Variants in PTPRG observed in about 807,000 individuals in gnomAD.
PTPRG encodes protein tyrosine phosphatase receptor type G.
A neutral mutation model predicts 165.3 loss-of-function variants in PTPRG; 102 were observed. The ratio of observed to expected loss-of-function variants is 0.62; its 90% CI spans 0.53 to 0.73. The LOEUF (loss-of-function observed/expected upper bound fraction) is 0.73. Ranked by LOEUF, PTPRG falls within the 30% of genes least tolerant of loss-of-function variation. The pLI is 0.00. For synonymous variants in PTPRG, 675 were observed against 669.5 expected (o/e 1.01, Z -0.13); for missense variants, 1,866 against 1,861.4 (o/e 1.00, Z -0.05).
chr3:62,183,671 A>T (rs560828677), intron 8 of PTPRG, among the ~76,000 whole-genome samples: 2 of 152,144 alleles, frequency 1.3e-5, no homozygotes, highest in South Asian at 2.1e-4. Context: ...TTGAAGGACC[A>T]TGAGCTCCCT....
chr3:61,760,302 C>T (rs1422669894), intron 2 of PTPRG, among the ~76,000 whole-genome samples: 1 of 152,146 alleles, frequency 6.6e-6, no homozygotes, highest in African/African-American at 2.4e-5. Context: ...AAGTGCTGGT[C>T]TGGTATAACC....
rs572764687 is a variant in PTPRG, at chr3:61,568,790, C to T, written c.85+6418C>T. Among the ~76,000 whole-genome samples the T allele has an allele frequency of 5.9e-5, 9 of 152,100 alleles. No homozygotes were observed. The South Asian group carries it at 1.9e-3, about 32-fold the overall frequency. ...GGGCATGGTGGTGCACACCTGTAGTCCCAGCTACTCGGGAGGCTGAGGCGG... is the reference window on the plus strand; with the variant it reads ...GGGCATGGTGGTGCACACCTGTAGTTCCAGCTACTCGGGAGGCTGAGGCGG... On this transcript the variant is annotated intron_variant, in intron 1 of 29. Coordinates refer to ENST00000474889, the MANE Select transcript of PTPRG (RefSeq NM_002841.4).
At chr3:62,152,694 T>C (rs921285671) in intron 6 of PTPRG, among the ~76,000 whole-genome samples, 2 of 152,212 alleles carry the variant, frequency 1.3e-5, no homozygotes, top group Admixed American at 6.5e-5. Context: ...CGAGAGTTAA[T>C]TCTGTAATGT....
At chr3:62,144,296 C>G (rs144395005) in intron 6 of PTPRG, among the ~76,000 whole-genome samples, 31 of 152,272 alleles carry the variant, frequency 2.0e-4, no homozygotes, top group Non-Finnish European at 1.3e-4. Context: ...AATGTAAATA[C>G]TCACTCAGGT....
At chr3:61,695,645 G>A (rs2030531688) in intron 1 of PTPRG, among the ~76,000 whole-genome samples, 1 of 152,056 alleles carries the variant, frequency 6.6e-6, no homozygotes, top group African/African-American at 2.4e-5. Flanking sequence ...TTTGTTTTTT[G>A]ATTTTTGACT....
rs944900322 is a variant in PTPRG, at chr3:61,923,357, C to T, written c.191-66268C>T. Among the ~76,000 whole-genome samples, 21 of 152,206 alleles carry T rather than the reference C, an allele frequency of 1.4e-4. No homozygotes were observed. The East Asian group carries it at 1.7e-3, about 13-fold the overall frequency. On this transcript the variant is annotated intron_variant, in intron 2 of 29. Coordinates refer to ENST00000474889, the MANE Select transcript of PTPRG (RefSeq NM_002841.4). ...TTCCTATGCATATCTTTACTTGCTCCGTGAAATCGCCAGCGTTTTCCCAAA... is the reference window on the plus strand; with the variant it reads ...TTCCTATGCATATCTTTACTTGCTCTGTGAAATCGCCAGCGTTTTCCCAAA...
chr3:62,092,255 C>A (rs1701962971), intron 5 of PTPRG, among the ~76,000 whole-genome samples: 1 of 151,582 alleles, frequency 6.6e-6, no homozygotes, highest in African/African-American at 2.4e-5. Context: ...GCCCGGCCAA[C>A]ATGGTTAAAC....
rs1193867533 is a variant in PTPRG, at chr3:62,294,463, T to C, written c.*1156T>C. On this transcript the variant is annotated 3_prime_UTR_variant, in exon 30 of 30. Coordinates refer to ENST00000474889, the MANE Select transcript of PTPRG (RefSeq NM_002841.4). ...GATTTGGAGAGAGAAATTTAAAATATTTAATTAAAGGTGATACCCACATTT... is the reference window on the plus strand; with the variant it reads ...GATTTGGAGAGAGAAATTTAAAATACTTAATTAAAGGTGATACCCACATTT... 1.3e-5 allele frequency: 2 copies of C among 152,138 alleles called. No individual in the cohort carries two copies. The highest frequency in any genetic ancestry group is 2.9e-5 in the Non-Finnish European group (2 of 68,012). The allele number at this position is 152,138 out of a possible 1,614,324, so 9.4% of individuals were successfully genotyped here.
At chr3:61,600,980 TGTG>T (rs1418121180) in intron 1 of PTPRG, among the ~76,000 whole-genome samples, 1 of 152,234 alleles carries the variant, frequency 6.6e-6, no homozygotes, top group East Asian at 1.9e-4. Flanking sequence ...TTGGGCCAGA[TGTG>T]GTGGCTCACG....
chr3:61,799,185 T>C (rs559306684), intron 2 of PTPRG, among the ~76,000 whole-genome samples: 22 of 152,244 alleles, frequency 1.4e-4, no homozygotes, highest in South Asian at 4.2e-4. Flanking sequence ...AATAAAGAGT[T>C]CCCATATACC....
chr3:61,885,323 A>T (rs1018597938), intron 2 of PTPRG, among the ~76,000 whole-genome samples: 3 of 152,096 alleles, frequency 2.0e-5, no homozygotes, highest in African/African-American at 7.2e-5. Flanking sequence ...CTACTGTAGA[A>T]TATTTGGAAA....
At chr3:61,994,406 T>C (rs887000792) in intron 3 of PTPRG, among the ~76,000 whole-genome samples, 1 of 152,254 alleles carries the variant, frequency 6.6e-6, no homozygotes, top group African/African-American at 2.4e-5. Context: ...TACTTTCATC[T>C]TCTCACATTG....
intron 1 of PTPRG, among the ~76,000 whole-genome samples, chr3:61,583,597 C>G (rs1296605512): frequency 6.6e-6 from 1 of 152,142 alleles, no homozygotes; most frequent in Non-Finnish European, 1.5e-5. Flanking sequence ...GGGTATTGAT[C>G]TCCTCTCCTC....
intron 1 of PTPRG, among the ~76,000 whole-genome samples, chr3:61,652,357 C>T (rs933909497): frequency 2.0e-5 from 3 of 152,138 alleles, no homozygotes; most frequent in African/African-American, 4.8e-5. Flanking sequence ...GTGCTCTATT[C>T]CTCATTCTGC....
rs767722682 is a variant in PTPRG, at chr3:61,845,463, A to G, written c.190+96481A>G. 5.9e-5 allele frequency among the ~76,000 whole-genome samples: 9 copies of G among 152,316 alleles called. No homozygotes were observed. The East Asian group carries it at 7.7e-4, about 13-fold the overall frequency. On this transcript the variant is annotated intron_variant, in intron 2 of 29. Coordinates refer to ENST00000474889, the MANE Select transcript of PTPRG (RefSeq NM_002841.4). ...CACTGGGAAGATGTCTATTGATCCT[A>G]TTATCCCGGGACTTGAAATAACATT...
rs150831405 is a variant in PTPRG at position 61,737,560 on chromosome 3, A to G, written c.86-11318A>G. Among the ~76,000 whole-genome samples the G allele has an allele frequency of 7.5e-4, 114 of 152,288 alleles. 1 individual carries two copies. The highest frequency in any genetic ancestry group is 2.7e-3 in the African/African-American group (111 of 41,576). On this transcript the variant is annotated intron_variant, in intron 1 of 29. Coordinates refer to ENST00000474889, the MANE Select transcript of PTPRG (RefSeq NM_002841.4). ...CTTGGGGAATAGATGGCGATGGGCT[A>G]TTGAGTGGCTGACCAGCTAGGGTTC...
intron 5 of PTPRG, among the ~76,000 whole-genome samples, chr3:62,096,192 G>C (rs187870715): frequency 2.8e-4 from 42 of 152,240 alleles, no homozygotes; most frequent in Admixed American, 1.2e-3. Flanking sequence ...AGATTGTAAG[G>C]ATTTTATCTT....
chr3:61,763,547 C>G (rs1249463349), intron 2 of PTPRG, among the ~76,000 whole-genome samples: 2 of 149,854 alleles, frequency 1.3e-5, no homozygotes, highest in Admixed American at 1.3e-4. Context: ...TGTATTTCTC[C>G]TTCGTTAGAG....
intron 8 of PTPRG, among the ~76,000 whole-genome samples, chr3:62,187,857 G>C (rs911741357): frequency 6.6e-6 from 1 of 152,144 alleles, no homozygotes; most frequent in Non-Finnish European, 1.5e-5. Flanking sequence ...CGTGTAATCA[G>C]GGACAAGCAT....
Sources: gnomAD v4.1 joint callset for allele counts (sites outside exome capture counted in the v4.1 genomes callset) on GRCh38, gnomAD v4.1.1 for gene constraint, MANE v1.5 for transcripts, NCBI Gene and HGNC (gene_info 2026-07-23, HGNC 2026-07-21) for gene names.